The following ADGRD1 variants were observed in gnomAD, a reference collection of about 807,000 sequenced individuals.
ADGRD1 encodes adhesion G protein-coupled receptor D1.
ADGRD1 carries 77 observed loss-of-function variants against 113.4 expected under a neutral mutation model. The observed-to-expected ratio is 0.68, with a 90% confidence interval of 0.57 to 0.82. The LOEUF is 0.82. Ranked by LOEUF, ADGRD1 falls within the 40% of genes least tolerant of loss-of-function variation. ADGRD1 has a pLI of 0.00. For synonymous variants in ADGRD1, 474 were observed against 475.0 expected (o/e 1.00, Z 0.03); for missense variants, 1,036 against 1,139.1 (o/e 0.91, Z 1.30).
At chr12:131,012,906 C>G (rs913600545) in intron 12 of ADGRD1, among the ~76,000 whole-genome samples, 3 of 152,100 alleles carry the variant, frequency 2.0e-5, no homozygotes, top group Admixed American at 6.5e-5. Flanking sequence ...CCGCGGGGGG[C>G]CCGGTGACAG....
chr12:130,986,808 CACTT>C (rs1026631763), intron 5 of ADGRD1: 12 of 389,726 alleles, frequency 3.1e-5, no homozygotes, highest in African/African-American at 2.2e-4. Flanking sequence ...ATTTTAATCA[CACTT>C]GCTTGTGGGC....
Position 131,033,271 on chromosome 12 carries a change from G to A in ADGRD1, c.1473+18931G>A, listed in dbSNP as rs539525505. ...TTTTGTGTGGCAGGGGCTGGGGTGG[G>A]GTGGGAAGGAAGGACTTCCAGGCCG... On this transcript the variant is annotated intron_variant, in intron 13 of 24. Transcript: ENST00000261654. Among the ~76,000 whole-genome samples the A allele has an allele frequency of 5.3e-5, 8 of 152,300 alleles. 1 individual carries two copies. The South Asian group carries it at 1.5e-3, about 28-fold the overall frequency.
intron 8 of ADGRD1, among the ~76,000 whole-genome samples, chr12:130,994,477 C>A (rs552593311): frequency 3.3e-5 from 5 of 152,188 alleles, no homozygotes; most frequent in Non-Finnish European, 4.4e-5. Flanking sequence ...ACACAGTCGG[C>A]GCTCAATAAA....
intron 4 of ADGRD1, among the ~76,000 whole-genome samples, chr12:130,975,558 A>G (rs1872211600): frequency 6.6e-6 from 1 of 152,226 alleles, no homozygotes; most frequent in African/African-American, 2.4e-5. Context: ...GCTAGGAGGT[A>G]GATCTCATGT....
chr12:131,122,555 G>T (rs1428065657), intron 20 of ADGRD1, among the ~76,000 whole-genome samples: 3 of 152,190 alleles, frequency 2.0e-5, no homozygotes, highest in African/African-American at 7.2e-5. Context: ...ATGCAAAAAC[G>T]CTTTCAGAGC....
chr12:131,013,278 G>A (rs532483876), intron 12 of ADGRD1, among the ~76,000 whole-genome samples: 37 of 152,284 alleles, frequency 2.4e-4, no homozygotes, highest in Admixed American at 4.6e-4. Context: ...CACGTAAGCC[G>A]AGAGCTCTGC....
chr12:131,128,937 C>T (rs1433016136), intron 20 of ADGRD1, among the ~76,000 whole-genome samples: 2 of 148,158 alleles, frequency 1.3e-5, no homozygotes, highest in Admixed American at 6.7e-5. Flanking sequence ...ACAGCCCCGC[C>T]CTGCTGTCTG....
Position 131,122,389 on chromosome 12 carries a change from C to G in ADGRD1, c.2175+1476C>G, listed in dbSNP as rs117570181. Reference sequence around the variant, plus strand: ...GCCTTTGGGGCTGCGCGCTTGAGCTCTTAGGGTCTGGGGGCCGCAGCGCCT... The same window carrying G: ...GCCTTTGGGGCTGCGCGCTTGAGCTGTTAGGGTCTGGGGGCCGCAGCGCCT... On this transcript the variant is annotated intron_variant, in intron 20 of 24. Transcript: ENST00000261654. Among the ~76,000 whole-genome samples the G allele has an allele frequency of 2.6e-3, 392 of 151,914 alleles. 2 individuals carry two copies. Among genetic ancestry groups the G allele is most frequent in the Middle Eastern group, 0.02 (6 of 294 alleles).
chr12:131,131,829 C>T lies in ADGRD1; in HGVS notation c.2267+13C>T, dbSNP rs1299216131. ...CCAGTGCCTTCAAGTAAGTTGACCT[C>T]AGGCTGCCAGCAGTGCCACGGCCCT... On this transcript the variant is annotated intron_variant, in intron 21 of 24. Coordinates refer to ENST00000261654, the MANE Select transcript of ADGRD1 (RefSeq NM_198827.5). 5.1e-6 allele frequency: 8 copies of T among 1,562,798 alleles called. No homozygotes were observed. Among genetic ancestry groups the T allele is most frequent in the African/African-American group, 2.7e-5 (2 of 74,110 alleles).
chr12:131,075,070 C>T lies in ADGRD1; in HGVS notation c.1474-1731C>T, dbSNP rs902550139. 6.6e-6 allele frequency among the ~76,000 whole-genome samples: 1 copy of T among 152,178 alleles called. No homozygotes were observed. The highest frequency in any genetic ancestry group is 2.4e-5 in the African/African-American group (1 of 41,438). On this transcript the variant is annotated intron_variant, in intron 13 of 24. Transcript: ENST00000261654. This position sits in a 1 kb window ranked among gnomAD's most constrained non-coding sequence, Gnocchi z 5.3. ...TGATGGGAAGAGGCGTCGCCTCACT[C>T]CTGAGAAGCCTTGCCACGTGTTGAT...
At chr12:131,054,325 T>C (rs1486002207) in intron 13 of ADGRD1, among the ~76,000 whole-genome samples, 1 of 152,244 alleles carries the variant, frequency 6.6e-6, no homozygotes, top group African/African-American at 2.4e-5. Context: ...CCGCTAATAC[T>C]TGTTCTTTCG....
intron 13 of ADGRD1, among the ~76,000 whole-genome samples, chr12:131,052,440 C>T (rs1883490506): frequency 6.6e-6 from 1 of 152,236 alleles, no homozygotes; most frequent in Non-Finnish European, 1.5e-5. Flanking sequence ...CTGGAACATT[C>T]AGGGCAAGAG....
intron 8 of ADGRD1, chr12:130,994,250 G>C: frequency 2.2e-6 from 1 of 453,812 alleles, no homozygotes; most frequent in Non-Finnish European, 4.4e-6. Flanking sequence ...GAGGCCCCGA[G>C]ACAGGGCTTG....
intron 13 of ADGRD1, among the ~76,000 whole-genome samples, chr12:131,028,676 T>A (rs1486108202): frequency 6.6e-6 from 1 of 152,164 alleles, no homozygotes; most frequent in Admixed American, 6.5e-5. Flanking sequence ...TTTACCCAGC[T>A]CCACGTGTGG....
intron 2 of ADGRD1, among the ~76,000 whole-genome samples, chr12:130,964,088 T>A (rs150942481): frequency 6.6e-6 from 1 of 152,270 alleles, no homozygotes; most frequent in East Asian, 1.9e-4. Context: ...TATTTGATTA[T>A]CTCCTTTGCC....
intron 7 of ADGRD1, among the ~76,000 whole-genome samples, 161 bp from the exon 8 acceptor site, chr12:130,992,076 G>A (rs1358039953): frequency 6.7e-6 from 1 of 149,614 alleles, no homozygotes; most frequent in African/African-American, 2.5e-5. Flanking sequence ...AGCCGAGATT[G>A]CGCCACTGCA....
intron 13 of ADGRD1, among the ~76,000 whole-genome samples, chr12:131,038,677 A>G (rs1047831239): frequency 1.3e-5 from 2 of 152,154 alleles, no homozygotes; most frequent in African/African-American, 2.4e-5. Flanking sequence ...ATGGAGGGGC[A>G]ACCTGCCTCT....
chr12:131,121,020 A>G, intron 20 of ADGRD1, 107 bp downstream of exon 20: 1 of 997,080 alleles, frequency 1.0e-6, no homozygotes, highest in Non-Finnish European at 1.5e-6. Context: ...CTTCCGAAGG[A>G]TGCAGCGTCG....
In ADGRD1 at chr12:130,954,801, C is replaced by A; in HGVS notation, c.103+141C>A. Reference sequence around the variant, plus strand: ...CCTGGTCCCCGACCTCACTGCCTCACCACACACTGTGACCCTGGGCAGCTC... The same window carrying A: ...CCTGGTCCCCGACCTCACTGCCTCAACACACACTGTGACCCTGGGCAGCTC... On this transcript the variant is annotated intron_variant, in intron 2 of 24. Coordinates refer to ENST00000261654, the MANE Select transcript of ADGRD1 (RefSeq NM_198827.5). The surrounding 1 kb of genome is among the most constrained non-coding windows in gnomAD (Gnocchi z 4.7). The A allele has an allele frequency of 2.6e-6, 2 of 769,152 alleles. No individual in the cohort carries two copies. Among genetic ancestry groups the A allele is most frequent in the Admixed American group, 2.1e-5 (1 of 48,276 alleles). 47.6% of individuals were successfully genotyped at this position (769,152 alleles called of 1,614,324 possible). A position where few individuals can be genotyped will look rare whatever the true frequency, so the allele number is the denominator to read the frequency against.
Sources: gnomAD v4.1 joint callset for allele counts (sites outside exome capture counted in the v4.1 genomes callset) on GRCh38, gnomAD v4.1.1 for gene constraint, Gnocchi (gnomAD v3.1) non-coding constraint, MANE v1.5 for transcripts, NCBI Gene and HGNC (gene_info 2026-07-23, HGNC 2026-07-21) for gene names.